The following HDLBP variants were observed in gnomAD, a reference collection of about 807,000 sequenced individuals.
HDLBP encodes the protein vigilin.
In HDLBP, 30 loss-of-function variants were observed where a neutral mutation model predicts 137.3. The observed-to-expected ratio is 0.22, with a 90% CI of 0.16 to 0.30. The LOEUF is 0.30. Among genes scored for constraint, HDLBP ranks in the 10% least tolerant of loss-of-function variants. The pLI is 1.00. For synonymous variants in HDLBP, 606 were observed against 596.0 expected (o/e 1.02, Z -0.24); for missense variants, 1,119 against 1,667.3 (o/e 0.67, Z 5.73).
In HDLBP at chr2:241,235,202, C is replaced by A. The variant is rs201100143; in HGVS notation, c.3063G>T (p.Thr1021=). 9 of 1,614,178 alleles carry A rather than the reference C, an allele frequency of 5.6e-6. No individual in the cohort carries two copies. In the Admixed American group the frequency reaches 1.3e-4, roughly 24 times the overall value. The change falls in exon 23 of 28, where the codon ACG becomes ACT. Residue 1021 remains threonine (T), a synonymous_variant. Transcript: ENST00000310931. ...CCCGGTCCAAATTTGCAGCGAGGCC[C>A]GTGATGGCGATGATGTCAGACTGCA... ...PELQSDIIAI[T]GLAANLDRAK...
chr2:241,255,148 A>G lies in HDLBP; in HGVS notation c.1091T>C (p.Phe364Ser), dbSNP rs931675738. The change falls in exon 9 of 28, where the codon TTC becomes TCC. Residue 364 changes from phenylalanine (F) to serine (S), a missense_variant. Physicochemically the swap from Phe to Ser is radical, Grantham distance 155. Around this residue, in one of 4 missense-constraint regions of HDLBP, gnomAD observed 425 missense variants for 693.9 expected, o/e 0.61. Coordinates refer to ENST00000310931, the MANE Select transcript of HDLBP (RefSeq NM_005336.6). ...LTEVYAKANSFTVSSVAAPSW... is the reference protein window; with the variant it reads ...LTEVYAKANSSTVSSVAAPSW... The stretch of plus-strand genomic sequence containing the variant: ...AGGGGCGGCGACAGAGGAGACGGTG[A>G]AGCTATTGGCCTAAGAAAATGGGAG... The G allele has an allele frequency of 1.2e-6, 2 of 1,613,984 alleles. No homozygotes were observed. Among genetic ancestry groups the G allele is most frequent in the African/African-American group, 1.3e-5 (1 of 74,918 alleles).
chr2:241,250,245 G>GAT, intron 11 of HDLBP: 1 of 326,082 alleles, frequency 3.1e-6, no homozygotes, highest in Non-Finnish European at 5.6e-6. Flanking sequence ...TCAAATAACT[G>GAT]ACGGTTGGGG....
intron 5 of HDLBP, among the ~76,000 whole-genome samples, chr2:241,260,782 C>A (rs1451689794): frequency 6.6e-6 from 1 of 152,162 alleles, no homozygotes; most frequent in Non-Finnish European, 1.5e-5. Flanking sequence ...TCTTGCCCAA[C>A]AAGCTGACTG....
chr2:241,273,036 C>G, intron 1 of HDLBP: 1 of 985,406 alleles, frequency 1.0e-6, no homozygotes, highest in Admixed American at 6.1e-5. Context: ...AATTAATCAC[C>G]TCCAGAAAGC....
Position 241,236,651 on chromosome 2 carries a change from C to A in HDLBP, c.2868G>T (p.Arg956=). 6.2e-7 allele frequency: 1 copy of A among 1,614,132 alleles called. No individual in the cohort carries two copies. The highest frequency in any genetic ancestry group is 2.2e-5 in the East Asian group (1 of 44,866). The change falls in exon 21 of 28, where the codon CGG becomes CGT. Residue 956 remains arginine, a synonymous_variant. Coordinates refer to ENST00000310931, the MANE Select transcript of HDLBP (RefSeq NM_005336.6). ...RRCDIIIISG[R]KEKCEAAKEA... ...CCTTGGCAGCCTCACACTTTTCTTT[C>A]CGGCCAGAGATGATGATGATGTCAC...
intron 2 of HDLBP, chr2:241,267,804 T>C: frequency 4.7e-6 from 7 of 1,478,094 alleles, no homozygotes; most frequent in Non-Finnish European, 6.3e-6. Flanking sequence ...GACTGGTTAT[T>C]CTCCCATCCC....
rs1241489599 is a variant in HDLBP at position 241,228,758 on chromosome 2, A to C, written c.*843T>G. On this transcript the variant is annotated 3_prime_UTR_variant, in exon 28 of 28. Coordinates refer to ENST00000310931, the MANE Select transcript of HDLBP (RefSeq NM_005336.6). ...CAGGGAGGGGCTGCAGGTGGTGTGAAGAAGAGCCCAGCTGTCATCTAAGGC... is the reference window on the plus strand; with the variant it reads ...CAGGGAGGGGCTGCAGGTGGTGTGACGAAGAGCCCAGCTGTCATCTAAGGC... 6 of 152,958 alleles carry C rather than the reference A, an allele frequency of 3.9e-5. No homozygotes were observed. Among genetic ancestry groups the C allele is most frequent in the Non-Finnish European group, 8.8e-5 (6 of 68,302 alleles). The allele number at this position is 152,958 out of a possible 1,614,324, so 9.5% of individuals were successfully genotyped here.
chr2:241,249,756 C>T (rs557407577), intron 12 of HDLBP, 85 bp downstream of exon 12: 34 of 1,332,640 alleles, frequency 2.6e-5, no homozygotes, highest in Admixed American at 1.6e-4. Flanking sequence ...TCTCTAAGGC[C>T]GCACACCACA....
chr2:241,248,474 T>A (rs1323432108), intron 12 of HDLBP, 126 bp from the exon 13 acceptor site: 3 of 757,820 alleles, frequency 4.0e-6, no homozygotes, highest in Non-Finnish European at 4.6e-6. Context: ...GGTCTCCAGG[T>A]GGCACCTCGT....
chr2:241,267,256 AG>A (rs2073747991), intron 2 of HDLBP, among the ~76,000 whole-genome samples: 1 of 152,238 alleles, frequency 6.6e-6, no homozygotes, highest in African/African-American at 2.4e-5. Flanking sequence ...TCATGTTTTA[AG>A]AAAGTTTAAG....
Position 241,239,711 on chromosome 2 carries a change from A to G in HDLBP, c.2501T>C (p.Met834Thr). ...REIAEEYGGV[M>T]VSFPRSGTQS... ...TGTGCCAGAGCGTGGGAAGCTGACCATCACCCCGCCATACTCTTCAGCAAT... is the reference window on the plus strand; with the variant it reads ...TGTGCCAGAGCGTGGGAAGCTGACCGTCACCCCGCCATACTCTTCAGCAAT... Residue 834 changes from methionine to threonine, a missense_variant, in exon 19 of 28, where the codon ATG becomes ACG. Coordinates refer to ENST00000310931, the MANE Select transcript of HDLBP (RefSeq NM_005336.6). The surrounding 1 kb of genome is among the most constrained non-coding windows in gnomAD (Gnocchi z 4.6). 6.2e-7 allele frequency: 1 copy of G among 1,614,116 alleles called. No individual in the cohort carries two copies. The highest frequency in any genetic ancestry group is 2.2e-5 in the East Asian group (1 of 44,886).
Position 241,246,856 on chromosome 2 carries a change from C to T in HDLBP, c.1846G>A (p.Asp616Asn), listed in dbSNP as rs1217931932. 1.2e-6 allele frequency: 2 copies of T among 1,613,998 alleles called. No homozygotes were observed. Among genetic ancestry groups the T allele is most frequent in the East Asian group, 4.5e-5 (2 of 44,894 alleles). Reference protein sequence around the residue: ...KIREESNTKIDLPAENSNSET... With the variant: ...KIREESNTKINLPAENSNSET... ...GAATTGCTATTCTCTGCTGGAAGGT[C>T]GATTTTGGTGTTGCTTTCTTCACGA... Residue 616 changes from aspartate (D) to asparagine (N), a missense_variant, in exon 16 of 28, where the codon GAC (aspartate) becomes AAC (asparagine). Asp to Asn is a conservative substitution (Grantham distance 23). Transcript: ENST00000310931.
At chr2:241,234,808 T>C (rs1006656067) in intron 23 of HDLBP, among the ~76,000 whole-genome samples, 3 of 152,200 alleles carry the variant, frequency 2.0e-5, no homozygotes, top group Non-Finnish European at 4.4e-5. Flanking sequence ...AGCACATGCT[T>C]GGGGGCCTCT....
intron 1 of HDLBP, chr2:241,268,808 T>C (rs1013994678): frequency 1.3e-5 from 2 of 152,152 alleles, no homozygotes; most frequent in African/African-American, 4.8e-5. Context: ...ATCTTTTAAG[T>C]GCCAAACTTC....
chr2:241,264,343 C>A lies in HDLBP; in HGVS notation c.234+105G>T, dbSNP rs570039210. The stretch of plus-strand genomic sequence containing the variant: ...CACCACTGCACTCCAGCCTGGGCGA[C>A]AGAGCGGGACTCTGTCTCAAAAAAA... On this transcript the variant is annotated intron_variant, in intron 4 of 27. Coordinates refer to ENST00000310931, the MANE Select transcript of HDLBP (RefSeq NM_005336.6). 1.1e-5 allele frequency: 8 copies of A among 760,782 alleles called. No homozygotes were observed. In the East Asian group the frequency reaches 2.1e-4, roughly 20 times the overall value. 47.1% of individuals were successfully genotyped at this position (760,782 alleles called of 1,614,324 possible).
At chr2:241,309,020 C>T (rs2075676793) in intron 1 of HDLBP, among the ~76,000 whole-genome samples, 1 of 152,104 alleles carries the variant, frequency 6.6e-6, no homozygotes, top group South Asian at 2.1e-4. Flanking sequence ...AGTCCTGCCC[C>T]CGTGCTTTTC....
chr2:241,253,489 G>A lies in HDLBP; in HGVS notation c.1197C>T (p.Ile399=), dbSNP rs1269990278. 3.1e-6 allele frequency: 5 copies of A among 1,610,802 alleles called. No homozygotes were observed. In the South Asian group the frequency reaches 3.3e-5, roughly 11 times the overall value. ...TCTTGTCTTCGCCCTCTGTGAACTCGATGTGAACCTACCACACCAAAACCA... is the reference window on the plus strand; with the variant it reads ...TCTTGTCTTCGCCCTCTGTGAACTCAATGTGAACCTACCACACCAAAACCA... The part of the protein sequence containing the change: ...KITQQMPKVH[I]EFTEGEDKIT... The change falls in exon 10 of 28, where the codon ATC becomes ATT. Residue 399 remains isoleucine, a synonymous_variant. Transcript: ENST00000310931.
At chr2:241,279,753 C>T (rs914693856) in intron 1 of HDLBP, among the ~76,000 whole-genome samples, 11 of 152,144 alleles carry the variant, frequency 7.2e-5, no homozygotes, top group Non-Finnish European at 1.5e-4. Flanking sequence ...GCGAACGATC[C>T]CACTTCTGGA....
In HDLBP at chr2:241,229,978, G is replaced by A. The variant is rs758010521; in HGVS notation, c.3592-17C>T. The A allele has an allele frequency of 6.3e-7, 1 of 1,587,480 alleles. No individual in the cohort carries two copies. Among genetic ancestry groups the A allele is most frequent in the South Asian group, 1.2e-5 (1 of 86,746 alleles). ...GTCAGCTAGCTGCAGGCAGAAGACA[G>A]GAAGACAGGGTCAGTCTGCCCAGCA... On this transcript the variant is annotated splice_polypyrimidine_tract_variant and intron_variant, in intron 26 of 27. Transcript: ENST00000310931.
Sources: gnomAD v4.1 joint callset for allele counts (sites outside exome capture counted in the v4.1 genomes callset) on GRCh38, gnomAD v4.1.1 for gene constraint, gnomAD v4.1.1 regional missense constraint, Gnocchi (gnomAD v3.1) non-coding constraint, MANE v1.5 for transcripts, NCBI Gene and HGNC (gene_info 2026-07-23, HGNC 2026-07-21) for gene names.